KPNA3: variants seen among roughly 807,000 people sequenced by gnomAD.
KPNA3 encodes karyopherin subunit alpha 3, also known as importin subunit alpha-4.
KPNA3 carries 13 observed loss-of-function variants against 73.8 expected under a neutral mutation model. The observed-to-expected ratio is 0.18, with a 90% CI of 0.11 to 0.28. KPNA3 has a LOEUF of 0.28. Among genes scored for constraint, KPNA3 ranks in the 10% least tolerant of loss-of-function variants. The pLI, the probability that KPNA3 is intolerant of heterozygous loss-of-function variation, is 1.00. For synonymous variants in KPNA3, 186 were observed against 206.9 expected, an observed-to-expected ratio of 0.90 and a Z score of 0.87; for missense variants, 360 against 618.1, an observed-to-expected ratio of 0.58 and a Z score of 4.43.
intron 15 of KPNA3, among the ~76,000 whole-genome samples, chr13:49,703,472 A>G (rs554976622): frequency 1.4e-4 from 21 of 152,088 alleles, no homozygotes; most frequent in East Asian, 3.9e-4. Flanking sequence ...GAGCCACTGC[A>G]CCCGGCCAAT....
chr13:49,704,015 T>TGCTAA, intron 15 of KPNA3, among the ~76,000 whole-genome samples: 1 of 151,910 alleles, frequency 6.6e-6, no homozygotes, highest in East Asian at 1.9e-4. Flanking sequence ...CTGACTACAA[T>TGCTAA]TTTTAATTAT....
At chr13:49,781,178 G>T (rs149872491) in intron 1 of KPNA3, among the ~76,000 whole-genome samples, 1 of 152,228 alleles carries the variant, frequency 6.6e-6, no homozygotes, top group Non-Finnish European at 1.5e-5. Context: ...GGCCAACTCA[G>T]GTGATTCTTT....
At chr13:49,792,414 C>T in intron 1 of KPNA3, 24 bp downstream of exon 1, 1 of 1,546,288 alleles carries the variant, frequency 6.5e-7, no homozygotes, top group Non-Finnish European at 8.7e-7. Context: ...GCCAGGCGGG[C>T]CCAGACCGCG....
chr13:49,780,692 T>C (rs1954933833), intron 1 of KPNA3, among the ~76,000 whole-genome samples: 1 of 151,380 alleles, frequency 6.6e-6, no homozygotes, highest in Non-Finnish European at 1.5e-5. Context: ...TTCAAATTAC[T>C]CCACACCTGA....
intron 7 of KPNA3, 53 bp from the exon 8 acceptor site, chr13:49,722,616 A>G: frequency 3.5e-6 from 4 of 1,140,770 alleles, no homozygotes; most frequent in South Asian, 1.4e-5. Flanking sequence ...AAGAGTTTAC[A>G]GATTTCAGAT....
At chr13:49,757,703 C>T (rs762216894) in intron 1 of KPNA3, among the ~76,000 whole-genome samples, 7 of 152,112 alleles carry the variant, frequency 4.6e-5, no homozygotes, top group Non-Finnish European at 8.8e-5. Flanking sequence ...CACACACACA[C>T]ACACACACAA....
At position 49,721,978 on chromosome 13, in the gene KPNA3, G is replaced by C. The variant is rs1275755303; in HGVS notation, c.703C>G (p.Pro235Ala). 6.2e-7 allele frequency: 1 copy of C among 1,601,470 alleles called. No homozygotes were observed. The highest frequency in any genetic ancestry group is 1.7e-5 in the Admixed American group (1 of 58,212). Residue 235 changes from proline (P) to alanine (A), a missense_variant, in exon 9 of 17, where the codon CCG (proline) becomes GCG (alanine). By Grantham distance (27) the Pro-to-Ala change is conservative. This residue lies in a region of KPNA3 where 287 missense variants were observed against 549.1 expected (regional missense o/e 0.52). Transcript: ENST00000261667. ...ACCTCCTGAACTGTCTCCATAGGCG[G>C]CGGGGGATCCTTATTCCTGCAGAGA... ...VNLCRNKDPP[P>A]PMETVQEILP...
chr13:49,752,515 C>T (rs1049668182), intron 1 of KPNA3, among the ~76,000 whole-genome samples: 2 of 151,874 alleles, frequency 1.3e-5, no homozygotes, highest in Non-Finnish European at 2.9e-5. Context: ...TAAAAACTAT[C>T]CTAGAAAATG....
At chr13:49,705,589 CAAAT>C (rs757597269) in intron 15 of KPNA3, 28 bp downstream of exon 15, 2 of 1,601,462 alleles carry the variant, frequency 1.2e-6, no homozygotes, top group Admixed American at 3.4e-5. Flanking sequence ...TTCCAGTGCT[CAAAT>C]ACTCTTCTTC....
At chr13:49,784,126 G>A (rs1954962291) in intron 1 of KPNA3, among the ~76,000 whole-genome samples, 1 of 152,116 alleles carries the variant, frequency 6.6e-6, no homozygotes, top group African/African-American at 2.4e-5. Context: ...GTGTGCACCT[G>A]TAGTCCTAGC....
chr13:49,708,253 C>T (rs1326072684), intron 12 of KPNA3, among the ~76,000 whole-genome samples: 2 of 152,120 alleles, frequency 1.3e-5, no homozygotes, highest in African/African-American at 4.8e-5. Flanking sequence ...CCTCGGCCTC[C>T]CAAAGTGCTG....
At chr13:49,792,266 C>A (rs1332675389) in intron 1 of KPNA3, among the ~76,000 whole-genome samples, 172 bp downstream of exon 1, 1 of 151,240 alleles carries the variant, frequency 6.6e-6, no homozygotes, top group Non-Finnish European at 1.5e-5. Flanking sequence ...TGCAGCCCGG[C>A]CGGCGTCTCG....
At chr13:49,726,433 T>A (rs1954409868) in intron 6 of KPNA3, among the ~76,000 whole-genome samples, 1 of 152,224 alleles carries the variant, frequency 6.6e-6, no homozygotes, top group South Asian at 2.1e-4. Flanking sequence ...AGGATCATGA[T>A]GTGTAGGAAC....
intron 1 of KPNA3, among the ~76,000 whole-genome samples, chr13:49,791,188 T>C (rs1203252946): frequency 1.3e-5 from 2 of 152,208 alleles, no homozygotes; most frequent in African/African-American, 4.8e-5. Context: ...CTCTACAAAA[T>C]AGAACACTGA....
At position 49,792,541 on chromosome 13, in the gene KPNA3, G is replaced by T. The variant is rs775109025; in HGVS notation, c.-35C>A. ...CGGCTCCGGCGGCGGCTACTCCTGC[G>T]GCTGCGGCGGCGGCGGCGGCGAATC... On this transcript the variant is annotated 5_prime_UTR_variant, in exon 1 of 17. Transcript: ENST00000261667. 5 of 1,512,386 alleles carry T rather than the reference G, an allele frequency of 3.3e-6. No homozygotes were observed. In the South Asian group the frequency reaches 3.5e-5, roughly 11 times the overall value. 93.7% of individuals were successfully genotyped at this position (1,512,386 alleles called of 1,614,324 possible). A position where few individuals can be genotyped will look rare whatever the true frequency, so the allele number is the denominator to read the frequency against.
intron 1 of KPNA3, among the ~76,000 whole-genome samples, chr13:49,778,216 C>T (rs532557592): frequency 6.6e-6 from 1 of 152,346 alleles, no homozygotes; most frequent in African/African-American, 2.4e-5. Flanking sequence ...CTAAAGGTTT[C>T]TCTGTACATA....
intron 7 of KPNA3, among the ~76,000 whole-genome samples, chr13:49,723,069 T>C (rs1954374677): frequency 9.5e-6 from 1 of 105,608 alleles, no homozygotes; most frequent in Admixed American, 1.2e-4. Context: ...TTCAATCAAC[T>C]GTGCACTACC....
intron 1 of KPNA3, among the ~76,000 whole-genome samples, chr13:49,776,717 T>G (rs1378578463): frequency 1.3e-5 from 2 of 152,196 alleles, no homozygotes; most frequent in Non-Finnish European, 1.5e-5. Flanking sequence ...TGAAAAATGC[T>G]TCTATCCATT....
At chr13:49,774,788 G>A (rs959420722) in intron 1 of KPNA3, among the ~76,000 whole-genome samples, 2 of 152,144 alleles carry the variant, frequency 1.3e-5, no homozygotes, top group Non-Finnish European at 2.9e-5. Context: ...CTGCTGCATG[G>A]AGCTATGTCT....
Sources: allele counts gnomAD v4.1 joint callset (sites outside exome capture counted in the v4.1 genomes callset), GRCh38; gene constraint gnomAD v4.1.1; regional missense constraint gnomAD v4.1.1; transcripts MANE v1.5; gene names NCBI Gene and HGNC (gene_info 2026-07-23, HGNC 2026-07-21).